Variants in FIRRM observed in about 807,000 individuals in gnomAD.
The protein encoded by FIRRM is FIGNL1 interacting regulator of recombination and mitosis, also known as FIGNL1-interacting regulator of recombination and mitosis.
At chr1:169,798,972 T>A in the FIRRM span, 3 of 1,131,666 alleles carry the variant, frequency 2.7e-6, no homozygotes, top group South Asian at 4.3e-5. Flanking sequence ...AGTAAAATTG[T>A]TTTAACTGTA....
At chr1:169,817,889 G>C in the FIRRM span, among the ~76,000 whole-genome samples, 2 of 151,814 alleles carry the variant, frequency 1.3e-5, no homozygotes, top group Admixed American at 6.6e-5. Flanking sequence ...ATTTTTTCCA[G>C]TGTTCAATTT....
At chr1:169,786,910 G>A in the FIRRM span, among the ~76,000 whole-genome samples, 2 of 148,858 alleles carry the variant, frequency 1.3e-5, no homozygotes, top group African/African-American at 2.4e-5. Flanking sequence ...TGAATGATCC[G>A]TGACCGCTCT....
the FIRRM span, among the ~76,000 whole-genome samples, chr1:169,788,988 T>C: frequency 1.6e-4 from 24 of 152,206 alleles, no homozygotes; most frequent in Non-Finnish European, 5.9e-5. Flanking sequence ...TAGTCATAAA[T>C]GTACTGTGGC....
chr1:169,843,210 GTT>G, the FIRRM span, among the ~76,000 whole-genome samples: 1 of 152,196 alleles, frequency 6.6e-6, no homozygotes, highest in East Asian at 1.9e-4. Context: ...CTACTGCAGT[GTT>G]TTGGCTTCAA....
the FIRRM span, among the ~76,000 whole-genome samples, chr1:169,786,741 T>C: frequency 6.6e-5 from 10 of 152,214 alleles, no homozygotes; most frequent in African/African-American, 2.4e-4. Context: ...TGGACAAGTC[T>C]TGACCAGACA....
the FIRRM span, among the ~76,000 whole-genome samples, chr1:169,838,786 A>G: frequency 6.6e-6 from 1 of 152,040 alleles, no homozygotes; most frequent in African/African-American, 2.4e-5. Context: ...CACCACACCC[A>G]GCCTCAACTT....
At chr1:169,795,861 G>C in the FIRRM span, 1 of 984,786 alleles carries the variant, frequency 1.0e-6, no homozygotes, top group Non-Finnish European at 1.2e-6. Flanking sequence ...TCTTCCGCTT[G>C]TTGTTGGCTT....
At chr1:169,804,364 C>A in the FIRRM span, 1 of 833,172 alleles carries the variant, frequency 1.2e-6, no homozygotes, top group South Asian at 4.9e-5. Flanking sequence ...TAAATCTTAC[C>A]AAATAAATTT....
the FIRRM span, chr1:169,851,226 C>A: frequency 6.5e-6 from 1 of 152,874 alleles, no homozygotes; most frequent in Non-Finnish European, 1.5e-5. Context: ...TGTTAAACCA[C>A]AAATTTAGAC....
At chr1:169,790,188 T>TC in the FIRRM span, among the ~76,000 whole-genome samples, 1 of 152,052 alleles carries the variant, frequency 6.6e-6, no homozygotes, top group East Asian at 1.9e-4. Context: ...TTTTTTTCTC[T>TC]TTTTTTGTTG....
At chr1:169,822,320 A>G in the FIRRM span, among the ~76,000 whole-genome samples, 1 of 152,200 alleles carries the variant, frequency 6.6e-6, no homozygotes, top group Non-Finnish European at 1.5e-5. Flanking sequence ...TGACTATAAT[A>G]AATCGTCATT....
chr1:169,802,605 T>C, the FIRRM span: 3 of 1,533,040 alleles, frequency 2.0e-6, no homozygotes, highest in Non-Finnish European at 2.7e-6. Flanking sequence ...GTTTATTACT[T>C]GATTTGTTTT....
At chr1:169,853,903 A>ATAAC in the FIRRM span, 13 of 977,986 alleles carry the variant, frequency 1.3e-5, no homozygotes, top group African/African-American at 1.8e-4. Context: ...ACTAAGTAAA[A>ATAAC]TAACTTAGAG....
At chr1:169,807,999 G>T in the FIRRM span, 1 of 1,403,220 alleles carries the variant, frequency 7.1e-7, no homozygotes, top group Non-Finnish European at 9.8e-7. Context: ...AATCTCATTT[G>T]AATGTCTGGG....
the FIRRM span, among the ~76,000 whole-genome samples, chr1:169,809,413 A>C: frequency 4.3e-4 from 66 of 152,294 alleles, no homozygotes; most frequent in East Asian, 0.012. Flanking sequence ...TATTCTCAAC[A>C]CCAACCTCCT....
chr1:169,813,683 GAGA>G, the FIRRM span, among the ~76,000 whole-genome samples: 13 of 152,194 alleles, frequency 8.5e-5, no homozygotes, highest in African/African-American at 2.9e-4. Flanking sequence ...ACAGAAAAAG[GAGA>G]AGGTTAGCGG....
the FIRRM span, among the ~76,000 whole-genome samples, chr1:169,800,272 T>TGG: frequency 9.2e-5 from 14 of 151,942 alleles, no homozygotes; most frequent in African/African-American, 2.7e-4. Context: ...CTTTAACTCC[T>TGG]GGGCTCAGAC....
the FIRRM span, among the ~76,000 whole-genome samples, chr1:169,789,917 T>A: frequency 2.2e-4 from 33 of 152,340 alleles, no homozygotes; most frequent in African/African-American, 7.5e-4. Context: ...ATAGGAACCA[T>A]GATAAATGCT....
the FIRRM span, among the ~76,000 whole-genome samples, chr1:169,845,179 G>A: frequency 6.6e-6 from 1 of 152,166 alleles, no homozygotes; most frequent in South Asian, 2.1e-4. Flanking sequence ...GCTTCCCAGT[G>A]CATACAGAAG....
Sources: gnomAD v4.1 joint callset for allele counts (sites outside exome capture counted in the v4.1 genomes callset) on GRCh38, gnomAD v4.1.1 for gene constraint, MANE v1.5 for transcripts, NCBI Gene and HGNC (gene_info 2026-07-23, HGNC 2026-07-21) for gene names.